The following GABBR1 variants were observed in gnomAD, a reference collection of about 807,000 sequenced individuals.
The protein encoded by GABBR1 is gamma-aminobutyric acid type B receptor subunit 1.
GABBR1 carries 35 observed loss-of-function variants against 117.7 expected under a neutral mutation model. The ratio of observed to expected loss-of-function variants is 0.30; its 90% CI spans 0.23 to 0.39. The LOEUF is 0.39. Ranked by LOEUF, GABBR1 falls within the 10% of genes least tolerant of loss-of-function variation. GABBR1 has a pLI of 1.00. For missense variants in GABBR1, 709 were observed against 1,241.8 expected, an observed-to-expected ratio of 0.57 and a Z score of 6.45; for synonymous variants, 442 against 486.6, an observed-to-expected ratio of 0.91 and a Z score of 1.21.
Position 29,627,908 on chromosome 6 carries a change from G to A in GABBR1, c.497-262C>T, listed in dbSNP as rs1227069185. 9.5e-6 allele frequency: 13 copies of A among 1,362,844 alleles called. No individual in the cohort carries two copies. The highest frequency in any genetic ancestry group is 1.0e-5 in the Non-Finnish European group (11 of 1,066,762). 84.4% of individuals were successfully genotyped at this position (1,362,844 alleles called of 1,614,324 possible). On this transcript the variant is annotated intron_variant, in intron 5 of 22. Transcript: ENST00000377034. This position sits in a 1 kb window ranked among gnomAD's most constrained non-coding sequence, Gnocchi z 4.4. Reference sequence around the variant, plus strand: ...GCGCCTCCATCCCTGATTTTGTGGGGAGGAGGGGGCGAGGGCCCCGGAGAA... The same window carrying A: ...GCGCCTCCATCCCTGATTTTGTGGGAAGGAGGGGGCGAGGGCCCCGGAGAA...
rs368078433 is a variant in GABBR1, at chr6:29,602,742, G to C, written c.*801C>G. ...GGATAAACATGGACGTGTGCAAATA[G>C]GAAAGACATGACTCAGCATGCTAGA... On this transcript the variant is annotated 3_prime_UTR_variant, in exon 23 of 23. Transcript: ENST00000377034. 8.8e-6 allele frequency: 3 copies of C among 342,196 alleles called. No homozygotes were observed. Among genetic ancestry groups the C allele is most frequent in the Middle Eastern group, 1.1e-3 (1 of 942 alleles). 21.2% of individuals were successfully genotyped at this position (342,196 alleles called of 1,614,324 possible). A position where few individuals can be genotyped will look rare whatever the true frequency, so the allele number is the denominator to read the frequency against.
rs1322492329 is a variant in GABBR1 at position 29,630,125 on chromosome 6, G to C, written c.475+333C>G. ...TGATGCATGGAAATTTCTAAGTTTA[G>C]AGAAAGGGAAAATTGGAGTATTTAA... On this transcript the variant is annotated intron_variant, in intron 4 of 22. Transcript: ENST00000377034. The surrounding 1 kb of genome is among the most constrained non-coding windows in gnomAD (Gnocchi z 4.9). The C allele has an allele frequency of 7.0e-6, 2 of 283,708 alleles. No individual in the cohort carries two copies. The highest frequency in any genetic ancestry group is 1.4e-4 in the South Asian group (1 of 7,272). The allele number at this position is 283,708 out of a possible 1,614,324, so 17.6% of individuals were successfully genotyped here.
Position 29,605,260 on chromosome 6 carries a change from G to C in GABBR1, c.2440-272C>G. 1 of 555,064 alleles carries C rather than the reference G, an allele frequency of 1.8e-6. No individual in the cohort carries two copies. Among genetic ancestry groups the C allele is most frequent in the Non-Finnish European group, 3.1e-6 (1 of 318,878 alleles). 34.4% of individuals were successfully genotyped at this position (555,064 alleles called of 1,614,324 possible). A position where few individuals can be genotyped will look rare whatever the true frequency, so the allele number is the denominator to read the frequency against. On this transcript the variant is annotated intron_variant, in intron 20 of 22. Transcript: ENST00000377034. This position sits in a 1 kb window ranked among gnomAD's most constrained non-coding sequence, Gnocchi z 4.2. ...TCCGGGTCCTCCAGAGTCGGTCCCT[G>C]GCAGGAAATGTCAATAGAGTCCAGC...
In GABBR1 at chr6:29,621,656, G is replaced by T; in HGVS notation, c.1131+96C>A. 2.9e-6 allele frequency: 3 copies of T among 1,048,550 alleles called. No homozygotes were observed. Among genetic ancestry groups the T allele is most frequent in the South Asian group, 2.6e-5 (2 of 77,894 alleles). The allele number at this position is 1,048,550 out of a possible 1,614,324, so 65.0% of individuals were successfully genotyped here. A position where few individuals can be genotyped will look rare whatever the true frequency, so the allele number is the denominator to read the frequency against. ...TATGAATCGTCACCTCAGATCATATGCTATCAACTCAGGCACAGATGCCAA... is the reference window on the plus strand; with the variant it reads ...TATGAATCGTCACCTCAGATCATATTCTATCAACTCAGGCACAGATGCCAA... On this transcript the variant is annotated intron_variant, in intron 10 of 22. Coordinates refer to ENST00000377034, the MANE Select transcript of GABBR1 (RefSeq NM_001470.4). The surrounding 1 kb of genome is among the most constrained non-coding windows in gnomAD (Gnocchi z 5.0).
Position 29,623,818 on chromosome 6 carries a change from A to T in GABBR1, c.792+72T>A, listed in dbSNP as rs1764000479. 6.6e-7 allele frequency: 1 copy of T among 1,524,400 alleles called. No homozygotes were observed. The highest frequency in any genetic ancestry group is 1.9e-5 in the Admixed American group (1 of 52,884). The allele number at this position is 1,524,400 out of a possible 1,614,324, so 94.4% of individuals were successfully genotyped here. A position where few individuals can be genotyped will look rare whatever the true frequency, so the allele number is the denominator to read the frequency against. ...ACACTCCTTTTCAATACAAACCCAC[A>T]ATCGCCATCGTCCCTTCAGTAGAGC... is the stretch of plus-strand genomic sequence containing the variant. On this transcript the variant is annotated intron_variant, in intron 7 of 22. Coordinates refer to ENST00000377034, the MANE Select transcript of GABBR1 (RefSeq NM_001470.4). The surrounding 1 kb of genome is among the most constrained non-coding windows in gnomAD (Gnocchi z 6.2).
chr6:29,632,355 A>G lies in GABBR1; in HGVS notation c.31T>C (p.Phe11Leu), dbSNP rs1765085696. Residue 11 changes from phenylalanine to leucine, a missense_variant, in exon 2 of 23, where the codon TTC becomes CTC. Phe to Leu is a conservative substitution (Grantham distance 22). Transcript: ENST00000377034. This position sits in a 1 kb window ranked among gnomAD's most constrained non-coding sequence, Gnocchi z 5.8. ...CCGCCCGCGCCCGGGGGGCGGAGGA[A>G]GAGTGGCGCCAGTAGCAGCAGCAGC... MLLLLLLAPL[F>L]LRPPGAGGAQ... is the part of the protein sequence containing the mutation. 2.2e-6 allele frequency: 3 copies of G among 1,355,118 alleles called. No individual in the cohort carries two copies. The African/African-American group carries it at 4.6e-5, about 21-fold the overall frequency. 83.9% of individuals were successfully genotyped at this position (1,355,118 alleles called of 1,614,324 possible). A position where few individuals can be genotyped will look rare whatever the true frequency, so the allele number is the denominator to read the frequency against.
At chr6:29,618,564 T>A (rs1179623711) in intron 11 of GABBR1, among the ~76,000 whole-genome samples, 3 of 152,198 alleles carry the variant, frequency 2.0e-5, no homozygotes, top group Non-Finnish European at 4.4e-5. Flanking sequence ...CTAAAATGTA[T>A]ATCTTGAGGT....
intron 6 of GABBR1, among the ~76,000 whole-genome samples, chr6:29,625,427 C>G (rs958693514): frequency 2.6e-5 from 4 of 152,126 alleles, no homozygotes; most frequent in Non-Finnish European, 5.9e-5. Flanking sequence ...AGGCATGCCC[C>G]CCATTTTGTT....
Position 29,623,827 on chromosome 6 carries a change from C to T in GABBR1, c.792+63G>A, listed in dbSNP as rs1764001837. 2.6e-6 allele frequency: 4 copies of T among 1,542,356 alleles called. No homozygotes were observed. The highest frequency in any genetic ancestry group is 1.4e-5 in the African/African-American group (1 of 73,028). The stretch of plus-strand genomic sequence containing the variant: ...TTCAATACAAACCCACAATCGCCAT[C>T]GTCCCTTCAGTAGAGCTCAAAAGGG... On this transcript the variant is annotated intron_variant, in intron 7 of 22. Transcript: ENST00000377034. This position sits in a 1 kb window ranked among gnomAD's most constrained non-coding sequence, Gnocchi z 6.2.
intron 11 of GABBR1, among the ~76,000 whole-genome samples, chr6:29,618,226 G>A (rs895421895): frequency 2.0e-5 from 3 of 152,172 alleles, no homozygotes; most frequent in Admixed American, 2.0e-4. Context: ...GAAAGAAAGG[G>A]ATTAATCTGC....
At chr6:29,608,020 A>G (rs534105049) in intron 16 of GABBR1, among the ~76,000 whole-genome samples, 1 of 152,368 alleles carries the variant, frequency 6.6e-6, no homozygotes, top group Admixed American at 6.5e-5. Flanking sequence ...GAGAGCAAGG[A>G]CAGGCAGGCA....
Position 29,631,335 on chromosome 6 carries a change from T to G in GABBR1, c.289+61A>C. On this transcript the variant is annotated intron_variant, in intron 3 of 22. Coordinates refer to ENST00000377034, the MANE Select transcript of GABBR1 (RefSeq NM_001470.4). The surrounding 1 kb of genome is among the most constrained non-coding windows in gnomAD (Gnocchi z 5.9). ...AGTGCTGACTTGCAAGCAGTAATGCTAAGTTTGCGGCAGGAAAAGGAATAG... is the reference window on the plus strand; with the variant it reads ...AGTGCTGACTTGCAAGCAGTAATGCGAAGTTTGCGGCAGGAAAAGGAATAG... 6.6e-7 allele frequency: 1 copy of G among 1,518,760 alleles called. No homozygotes were observed. Among genetic ancestry groups the G allele is most frequent in the African/African-American group, 1.4e-5 (1 of 73,158 alleles). 94.1% of individuals were successfully genotyped at this position (1,518,760 alleles called of 1,614,324 possible).
Position 29,632,727 on chromosome 6 carries a change from C to T in GABBR1, c.-1+123G>A. On this transcript the variant is annotated intron_variant, in intron 1 of 22. Transcript: ENST00000377034. The surrounding 1 kb of genome is among the most constrained non-coding windows in gnomAD (Gnocchi z 5.8). ...GCCTCAGCGCTCCCCGATTCCATCC[C>T]CGCGGTTCCTCCTCTCCCCCAGCCC... 7.5e-7 allele frequency: 1 copy of T among 1,324,786 alleles called. No homozygotes were observed. Among genetic ancestry groups the T allele is most frequent in the Non-Finnish European group, 9.8e-7 (1 of 1,021,310 alleles). The allele number at this position is 1,324,786 out of a possible 1,614,324, so 82.1% of individuals were successfully genotyped here.
rs142271056 is a variant in GABBR1, at chr6:29,629,342, T to G, written c.476-235A>C. 1.1e-3 allele frequency: 726 copies of G among 671,204 alleles called. 10 individuals are homozygous for G. The highest frequency in any genetic ancestry group is 6.5e-3 in the South Asian group (415 of 63,466). The allele number at this position is 671,204 out of a possible 1,614,324, so 41.6% of individuals were successfully genotyped here. ...AGGACAACAGAATTTGAGACGGGAATGCCAATAGCTAAGTTTGGGGCAGAT... is the reference window on the plus strand; with the variant it reads ...AGGACAACAGAATTTGAGACGGGAAGGCCAATAGCTAAGTTTGGGGCAGAT... On this transcript the variant is annotated intron_variant, in intron 4 of 22. Coordinates refer to ENST00000377034, the MANE Select transcript of GABBR1 (RefSeq NM_001470.4).
Position 29,604,739 on chromosome 6 carries a change from C to T in GABBR1, c.2569-102G>A. On this transcript the variant is annotated intron_variant, in intron 21 of 22. Transcript: ENST00000377034. This position sits in a 1 kb window ranked among gnomAD's most constrained non-coding sequence, Gnocchi z 5.3. Reference sequence around the variant, plus strand: ...GAAGGAATGCTGATAAGAGTTGGGCCCAAAACAAGGGGAGGAGTGAGAGGA... The same window carrying T: ...GAAGGAATGCTGATAAGAGTTGGGCTCAAAACAAGGGGAGGAGTGAGAGGA... The T allele has an allele frequency of 6.3e-7, 1 of 1,594,010 alleles. No individual in the cohort carries two copies. Among genetic ancestry groups the T allele is most frequent in the African/African-American group, 1.3e-5 (1 of 74,564 alleles).
Position 29,621,545 on chromosome 6 carries a change from C to A in GABBR1, c.1131+207G>T, listed in dbSNP as rs1019171156. On this transcript the variant is annotated intron_variant, in intron 10 of 22. Transcript: ENST00000377034. The surrounding 1 kb of genome is among the most constrained non-coding windows in gnomAD (Gnocchi z 5.0). ...GAATTCATGGGCTTCTCAGGAAACA[C>A]AAAGCAGTAGAAAAATGAGATCTGA... is the stretch of plus-strand genomic sequence containing the variant. Among the ~76,000 whole-genome samples the A allele has an allele frequency of 6.6e-6, 1 of 152,078 alleles. No individual in the cohort carries two copies. Among genetic ancestry groups the A allele is most frequent in the South Asian group, 2.1e-4 (1 of 4,814 alleles).
rs148974581 is a variant in GABBR1 at position 29,606,615 on chromosome 6, C to T, written c.2218-131G>A. On this transcript the variant is annotated intron_variant, in intron 18 of 22. Transcript: ENST00000377034. This position sits in a 1 kb window ranked among gnomAD's most constrained non-coding sequence, Gnocchi z 4.5. ...TGCTGATGCCAAATCTCATTCTAGG[C>T]CTAAGAATGTTTTCCTGAACCCTTG... 1.4e-6 allele frequency: 1 copy of T among 722,034 alleles called. No individual in the cohort carries two copies. The highest frequency in any genetic ancestry group is 2.2e-5 in the Admixed American group (1 of 46,008). The allele number at this position is 722,034 out of a possible 1,614,324, so 44.7% of individuals were successfully genotyped here.
chr6:29,622,088 C>T lies in GABBR1; in HGVS notation c.1065+16G>A. On this transcript the variant is annotated intron_variant, in intron 9 of 22. Transcript: ENST00000377034. This position sits in a 1 kb window ranked among gnomAD's most constrained non-coding sequence, Gnocchi z 4.6. ...GTCCCTCCGTAAACAGAGCCCACCA[C>T]TCCCAGCCATCTGACCTTCAGGTTT... 6.2e-7 allele frequency: 1 copy of T among 1,606,450 alleles called. No individual in the cohort carries two copies. Among genetic ancestry groups the T allele is most frequent in the Non-Finnish European group, 8.5e-7 (1 of 1,173,370 alleles).
Position 29,627,625 on chromosome 6 carries a change from C to T in GABBR1, c.518G>A (p.Gly173Glu). The T allele has an allele frequency of 6.4e-7, 1 of 1,560,214 alleles. No individual in the cohort carries two copies. The highest frequency in any genetic ancestry group is 8.7e-7 in the Non-Finnish European group (1 of 1,155,996). Residue 173 changes from glycine (G) to glutamate (E), a missense_variant, in exon 6 of 23, where the codon GGG (glycine) becomes GAG (glutamate). Physicochemically the swap from Gly to Glu is moderately conservative, Grantham distance 98. Coordinates refer to ENST00000377034, the MANE Select transcript of GABBR1 (RefSeq NM_001470.4). This position sits in a 1 kb window ranked among gnomAD's most constrained non-coding sequence, Gnocchi z 4.4. ...GCCCCCGCTCATGGGAAACAGTGCCCCGATGTACACTGCGCGCCGTTCTGA... is the reference window on the plus strand; with the variant it reads ...GCCCCCGCTCATGGGAAACAGTGCCTCGATGTACACTGCGCGCCGTTCTGA... ...PHSERRAVYI[G>E]ALFPMSGGWP...
Sources: gnomAD v4.1 joint callset for allele counts (sites outside exome capture counted in the v4.1 genomes callset) on GRCh38, gnomAD v4.1.1 for gene constraint, Gnocchi (gnomAD v3.1) non-coding constraint, MANE v1.5 for transcripts, NCBI Gene and HGNC (gene_info 2026-07-23, HGNC 2026-07-21) for gene names.